Variants in ATG10 observed in about 807,000 individuals in gnomAD.
ATG10 encodes ubiquitin-like-conjugating enzyme ATG10.
ATG10 carries 30 observed loss-of-function variants against 32.1 expected under a neutral mutation model. The observed-to-expected ratio is 0.94, with a 90% CI of 0.70 to 1.27. The LOEUF (loss-of-function observed/expected upper bound fraction) is 1.27. Ranked by LOEUF, ATG10 falls within the 50% of genes most tolerant of loss-of-function variation. ATG10 has a pLI of 0.00. For missense variants in ATG10, 233 were observed against 262.3 expected (o/e 0.89, Z 0.77); for synonymous variants, 87 against 91.5 (o/e 0.95, Z 0.28).
rs548177341 is a variant in ATG10, at chr5:82,192,130, G to A, written c.453+13543G>A. Among the ~76,000 whole-genome samples the A allele has an allele frequency of 2.2e-3, 340 of 152,306 alleles. 1 individual carries two copies. Among genetic ancestry groups the A allele is most frequent in the African/African-American group, 7.9e-3 (328 of 41,566 alleles). Reference sequence around the variant, plus strand: ...ACAGAGGCTTCACTGTCCAGAGGACGGGGCATCCATTTTGCTGGTGGGAGT... The same window carrying A: ...ACAGAGGCTTCACTGTCCAGAGGACAGGGCATCCATTTTGCTGGTGGGAGT... On this transcript the variant is annotated intron_variant, in intron 5 of 7. Coordinates refer to ENST00000282185, the MANE Select transcript of ATG10 (RefSeq NM_031482.5).
At chr5:82,059,844 A>G (rs1015872776) in intron 3 of ATG10, among the ~76,000 whole-genome samples, 2 of 152,156 alleles carry the variant, frequency 1.3e-5, no homozygotes, top group African/African-American at 4.8e-5. Context: ...GTGCCCCCAG[A>G]TGGGTGCTTG....
chr5:82,196,954 T>C (rs1744874742), intron 5 of ATG10, among the ~76,000 whole-genome samples: 1 of 152,202 alleles, frequency 6.6e-6, no homozygotes, highest in African/African-American at 2.4e-5. Context: ...TTGATATGGA[T>C]TGCACTGGAG....
intron 2 of ATG10, among the ~76,000 whole-genome samples, chr5:82,013,089 G>A (rs2149696923): frequency 6.6e-6 from 1 of 151,946 alleles, no homozygotes; most frequent in African/African-American, 2.4e-5. Flanking sequence ...AGCCTCCCGA[G>A]TAGTTGGGAC....
chr5:82,007,918 A>G (rs1293884771), intron 2 of ATG10, among the ~76,000 whole-genome samples: 1 of 152,232 alleles, frequency 6.6e-6, no homozygotes. Flanking sequence ...ATCTTTATAA[A>G]GACAATATGC....
intron 3 of ATG10, chr5:82,147,221 T>C: frequency 4.3e-6 from 1 of 233,582 alleles, no homozygotes; most frequent in South Asian, 4.1e-5. Context: ...CAGGCTGGAG[T>C]GCAGTTGCGT....
intron 3 of ATG10, among the ~76,000 whole-genome samples, chr5:82,094,485 C>A (rs1047417157): frequency 2.6e-5 from 4 of 152,104 alleles, no homozygotes; most frequent in South Asian, 4.1e-4. Context: ...AAAATTGTTA[C>A]AATCTTTCTG....
At chr5:82,176,484 G>A (rs1372543926) in intron 4 of ATG10, among the ~76,000 whole-genome samples, 1 of 152,064 alleles carries the variant, frequency 6.6e-6, no homozygotes, top group Non-Finnish European at 1.5e-5. Flanking sequence ...TATTTTAAAA[G>A]CATGTCGTTC....
chr5:82,024,513 A>T (rs931651720), intron 2 of ATG10, among the ~76,000 whole-genome samples: 1 of 152,178 alleles, frequency 6.6e-6, no homozygotes, highest in Non-Finnish European at 1.5e-5. Context: ...ATTTTTTTCT[A>T]GTAATTCAGT....
intron 4 of ATG10, among the ~76,000 whole-genome samples, chr5:82,167,800 T>C (rs969435713): frequency 6.6e-6 from 1 of 152,206 alleles, no homozygotes; most frequent in Non-Finnish European, 1.5e-5. Flanking sequence ...ACTACTTTGG[T>C]GTACAGGAGC....
chr5:82,141,891 C>T (rs1207945360), intron 3 of ATG10, among the ~76,000 whole-genome samples: 1 of 152,034 alleles, frequency 6.6e-6, no homozygotes, highest in South Asian at 2.1e-4. Flanking sequence ...TAGCCTCCCT[C>T]ATATCATCTT....
chr5:82,106,997 G>A (rs891144447), intron 3 of ATG10, among the ~76,000 whole-genome samples: 2 of 152,016 alleles, frequency 1.3e-5, no homozygotes, highest in African/African-American at 4.8e-5. Flanking sequence ...CATAACATTA[G>A]TGTAACCAAG....
chr5:82,005,484 G>A (rs150826291), intron 2 of ATG10, among the ~76,000 whole-genome samples: 3 of 152,008 alleles, frequency 2.0e-5, no homozygotes, highest in Non-Finnish European at 2.9e-5. Context: ...TAATAGAGAC[G>A]GGGTTTCACC....
At chr5:82,044,050 C>T (rs1393336616) in intron 2 of ATG10, among the ~76,000 whole-genome samples, 2 of 152,162 alleles carry the variant, frequency 1.3e-5, no homozygotes, top group African/African-American at 4.8e-5. Flanking sequence ...AGTCTGTTCT[C>T]ACACTGCTAT....
At chr5:81,984,594 CA>C (rs1434641960) in intron 1 of ATG10, among the ~76,000 whole-genome samples, 2 of 152,184 alleles carry the variant, frequency 1.3e-5, no homozygotes, top group African/African-American at 4.8e-5. Flanking sequence ...TAAGATTTTT[CA>C]TTTGCAAAAT....
At chr5:81,974,478 A>G (rs1760814650) in intron 1 of ATG10, among the ~76,000 whole-genome samples, 1 of 152,188 alleles carries the variant, frequency 6.6e-6, no homozygotes, top group African/African-American at 2.4e-5. Flanking sequence ...AGCTAGGGTT[A>G]TTTCATATCA....
chr5:82,240,453 A>G (rs111608423), intron 5 of ATG10, among the ~76,000 whole-genome samples: 349 of 152,318 alleles, frequency 2.3e-3, no homozygotes, highest in African/African-American at 7.9e-3. Context: ...TCATACGAGG[A>G]AGTTAAAATA....
intron 1 of ATG10, among the ~76,000 whole-genome samples, chr5:81,982,215 T>G (rs546881724): frequency 2.6e-5 from 4 of 152,000 alleles, no homozygotes; most frequent in Non-Finnish European, 4.4e-5. Flanking sequence ...CCTAGTACTT[T>G]GGGAGGCCGA....
At chr5:82,083,658 C>T (rs1373379118) in intron 3 of ATG10, among the ~76,000 whole-genome samples, 1 of 152,186 alleles carries the variant, frequency 6.6e-6, no homozygotes, top group Non-Finnish European at 1.5e-5. Flanking sequence ...CAGGCAGCAA[C>T]GTCTGCCGTT....
chr5:82,213,715 G>T (rs1745576236), intron 5 of ATG10, among the ~76,000 whole-genome samples: 1 of 152,152 alleles, frequency 6.6e-6, no homozygotes, highest in Non-Finnish European at 1.5e-5. Flanking sequence ...TTGTCTACTA[G>T]AATGTAGGGT....
Sources: allele counts gnomAD v4.1 joint callset (sites outside exome capture counted in the v4.1 genomes callset), GRCh38; gene constraint gnomAD v4.1.1; transcripts MANE v1.5; gene names NCBI Gene and HGNC (gene_info 2026-07-23, HGNC 2026-07-21).